The following DSCAM variants were observed in gnomAD, a reference collection of about 807,000 sequenced individuals.
DSCAM encodes DS cell adhesion molecule.
A neutral mutation model predicts 217.7 loss-of-function variants in DSCAM; 47 were observed. The observed-to-expected ratio is 0.22, with a 90% confidence interval of 0.17 to 0.28. DSCAM has a LOEUF of 0.28. DSCAM is among the 10% of genes least tolerant of loss of function. The pLI is 1.00. For missense variants in DSCAM, 2,080 were observed against 2,618.3 expected (o/e 0.79, Z 4.49); for synonymous variants, 1,056 against 1,015.3 (o/e 1.04, Z -0.76).
intron 3 of DSCAM, among the ~76,000 whole-genome samples, chr21:40,625,201 C>G (rs1346095024): frequency 6.6e-6 from 1 of 151,394 alleles, no homozygotes; most frequent in African/African-American, 2.4e-5. Flanking sequence ...ATATTCAACT[C>G]AAAACAAAAT....
Position 40,559,786 on chromosome 21 carries a change from C to CTT in DSCAM, c.508+133022_508+133023dup, listed in dbSNP as rs548599799. 3.9e-4 allele frequency among the ~76,000 whole-genome samples: 43 copies of CTT among 109,396 alleles called. 3 individuals carry two copies. The South Asian group carries it at 7.6e-3, about 19-fold the overall frequency. 71.8% of individuals were successfully genotyped at this position (109,396 alleles called of 152,430 possible). A position where few individuals can be genotyped will look rare whatever the true frequency, so the allele number is the denominator to read the frequency against. ...TTTTGATGCTTTTAAAATTTTCTGT[C>CTT]TTTTTTTTTTTTTTTTTTTTCTTTG... On this transcript the variant is annotated intron_variant, in intron 3 of 32. Transcript: ENST00000400454.
chr21:40,639,116 CGTCCATTTTG>C lies in DSCAM; in HGVS notation c.508+53684_508+53693del, dbSNP rs558074724. The stretch of plus-strand genomic sequence containing the variant: ...CAGCAGCCTCTGTGTCCCTCACACT[CGTCCATTTTG>C]GTCCATTTTGGTCCATTTTGTGTCT... On this transcript the variant is annotated intron_variant, in intron 3 of 32. Coordinates refer to ENST00000400454, the MANE Select transcript of DSCAM (RefSeq NM_001389.5). Among the ~76,000 whole-genome samples the C allele has an allele frequency of 1.3e-3, 196 of 151,240 alleles. 2 individuals carry two copies. Among genetic ancestry groups the C allele is most frequent in the African/African-American group, 3.4e-3 (138 of 41,090 alleles).
At chr21:40,759,418 T>A (rs1366846335) in intron 1 of DSCAM, among the ~76,000 whole-genome samples, 1 of 152,188 alleles carries the variant, frequency 6.6e-6, no homozygotes, top group African/African-American at 2.4e-5. Flanking sequence ...TACATCTTTT[T>A]AAGCCTGAAT....
rs201406043 is a variant in DSCAM, at chr21:40,353,422, G to A, written c.934+43C>T. On this transcript the variant is annotated intron_variant, in intron 5 of 32. Coordinates refer to ENST00000400454, the MANE Select transcript of DSCAM (RefSeq NM_001389.5). ...ATTTGCTTATAACAGGAGCTCCATC[G>A]ATGGAAGCCAACACCACCTTTGCAA... 2.7e-5 allele frequency: 42 copies of A among 1,582,564 alleles called. No individual in the cohort carries two copies. The African/African-American group carries it at 2.7e-4, about 10-fold the overall frequency.
At chr21:40,146,157 G>GAA (rs2090354477) in intron 16 of DSCAM, among the ~76,000 whole-genome samples, 1 of 152,000 alleles carries the variant, frequency 6.6e-6, no homozygotes, top group East Asian at 1.9e-4. Context: ...GAACTATGAA[G>GAA]TGTGGAAATG....
At chr21:40,566,388 T>C (rs915012896) in intron 3 of DSCAM, among the ~76,000 whole-genome samples, 1 of 152,234 alleles carries the variant, frequency 6.6e-6, no homozygotes, top group African/African-American at 2.4e-5. Context: ...TGATCTACTC[T>C]GCCAGACATT....
intron 1 of DSCAM, among the ~76,000 whole-genome samples, chr21:40,793,702 G>A (rs772676353): frequency 7.2e-5 from 11 of 152,014 alleles, no homozygotes; most frequent in Admixed American, 2.6e-4. Flanking sequence ...TGTTGACCCC[G>A]CTGGTCTCAA....
intron 32 of DSCAM, among the ~76,000 whole-genome samples, chr21:40,042,064 G>A (rs989595374): frequency 2.6e-5 from 4 of 152,286 alleles, no homozygotes; most frequent in Middle Eastern, 3.4e-3. Flanking sequence ...GCACCTTGTG[G>A]AGAGGCCAGC....
chr21:40,452,005 G>T (rs1389812503), intron 3 of DSCAM, among the ~76,000 whole-genome samples: 2 of 151,998 alleles, frequency 1.3e-5, no homozygotes, highest in African/African-American at 4.8e-5. Context: ...GATTCCAATT[G>T]ATTACCTCCC....
chr21:40,112,008 G>A (rs1341523972), intron 20 of DSCAM, among the ~76,000 whole-genome samples: 2 of 151,888 alleles, frequency 1.3e-5, no homozygotes, highest in African/African-American at 2.4e-5. Flanking sequence ...ACAGATCAAC[G>A]AGACAGAAAG....
At chr21:40,180,097 G>T (rs1568985067) in intron 14 of DSCAM, among the ~76,000 whole-genome samples, 1 of 152,228 alleles carries the variant, frequency 6.6e-6, no homozygotes, top group African/African-American at 2.4e-5. Flanking sequence ...GCCATACCCA[G>T]TCTTTTATCC....
At chr21:40,088,023 C>G (rs992030183) in intron 21 of DSCAM, among the ~76,000 whole-genome samples, 2 of 152,224 alleles carry the variant, frequency 1.3e-5, no homozygotes, top group African/African-American at 2.4e-5. Flanking sequence ...CAAAAGCTGA[C>G]AGGGACACCA....
intron 3 of DSCAM, among the ~76,000 whole-genome samples, chr21:40,507,574 C>T (rs1003649177): frequency 1.3e-5 from 2 of 151,980 alleles, no homozygotes; most frequent in African/African-American, 2.4e-5. Context: ...GCGGATCACT[C>T]GAGCTCAGGA....
intron 3 of DSCAM, among the ~76,000 whole-genome samples, chr21:40,568,528 G>T (rs2076782269): frequency 6.6e-6 from 1 of 152,012 alleles, no homozygotes; most frequent in Non-Finnish European, 1.5e-5. Context: ...ATTTATATGT[G>T]GAGACTTATG....
At chr21:40,482,088 G>C (rs2075988159) in intron 3 of DSCAM, among the ~76,000 whole-genome samples, 1 of 152,170 alleles carries the variant, frequency 6.6e-6, no homozygotes, top group Admixed American at 6.5e-5. Flanking sequence ...TCACCTCCTT[G>C]TGAGATTATT....
intron 1 of DSCAM, among the ~76,000 whole-genome samples, chr21:40,758,186 G>T (rs1365091869): frequency 6.6e-5 from 10 of 151,578 alleles, no homozygotes; most frequent in Admixed American, 3.9e-4. Context: ...TTCAGAGGGA[G>T]ACCACCGTGC....
chr21:40,318,132 C>A (rs1269890234), intron 8 of DSCAM, among the ~76,000 whole-genome samples: 1 of 133,148 alleles, frequency 7.5e-6, no homozygotes, highest in Non-Finnish European at 1.5e-5. Flanking sequence ...GGGAATTGAA[C>A]AATGAGAACA....
chr21:40,685,847 T>C (rs1443326983), intron 3 of DSCAM, among the ~76,000 whole-genome samples: 1 of 152,112 alleles, frequency 6.6e-6, no homozygotes, highest in African/African-American at 2.4e-5. Flanking sequence ...AAGTGGAATA[T>C]TCAATTTGGA....
At chr21:40,327,882 C>T (rs1408370269) in intron 8 of DSCAM, among the ~76,000 whole-genome samples, 1 of 151,868 alleles carries the variant, frequency 6.6e-6, no homozygotes, top group African/African-American at 2.4e-5. Flanking sequence ...TTAAAGAAAA[C>T]AATCTCATTT....
Sources: gnomAD v4.1 joint callset for allele counts (sites outside exome capture counted in the v4.1 genomes callset) on GRCh38, gnomAD v4.1.1 for gene constraint, MANE v1.5 for transcripts, NCBI Gene and HGNC (gene_info 2026-07-23, HGNC 2026-07-21) for gene names.